The following TMEM244 variants were observed in gnomAD, a reference collection of about 807,000 sequenced individuals.
The protein encoded by TMEM244 is putative transmembrane protein 244.
Under a neutral mutation model 15.8 loss-of-function variants are expected in TMEM244, and 13 were observed. The observed-to-expected ratio is 0.82, with a 90% CI of 0.53 to 1.30. The LOEUF (loss-of-function observed/expected upper bound fraction) is 1.30, where lower values mean the gene tolerates loss of function less well. TMEM244 is among the 50% of genes most tolerant of loss of function. The probability of loss-of-function intolerance (pLI) is 0.00; values close to 1 mark genes in which losing one functional copy is unlikely to be tolerated. For synonymous variants in TMEM244, 45 were observed against 48.7 expected, an observed-to-expected ratio of 0.92 and a Z score of 0.32; for missense variants, 161 against 144.9, an observed-to-expected ratio of 1.11 and a Z score of -0.57.
At chr6:129,841,720 A>G (rs79138594) in intron 3 of TMEM244, among the ~76,000 whole-genome samples, 2,660 of 152,280 alleles carry the variant, frequency 0.017, 88 homozygotes, top group African/African-American at 0.06. Context: ...TTTGCAAACT[A>G]TTCTCTGCGA....
chr6:129,837,493 A>G (rs1776425586), intron 3 of TMEM244, among the ~76,000 whole-genome samples: 1 of 152,228 alleles, frequency 6.6e-6, no homozygotes, highest in Admixed American at 6.5e-5. Flanking sequence ...AAGACTTTAG[A>G]CGCTATGAAG....
chr6:129,841,891 T>A (rs9321189), intron 3 of TMEM244, among the ~76,000 whole-genome samples: 2 of 151,974 alleles, frequency 1.3e-5, no homozygotes, highest in African/African-American at 4.8e-5. Context: ...TCTTATATTT[T>A]ATTAATATCT....
At chr6:129,860,824 AAG>A (rs1554208647) in intron 1 of TMEM244, among the ~76,000 whole-genome samples, 1 of 152,084 alleles carries the variant, frequency 6.6e-6, no homozygotes, top group Non-Finnish European at 1.5e-5. Context: ...AAAAAAAAAA[AAG>A]AAAAAAAGAT....
chr6:129,837,854 T>G (rs989243494), intron 3 of TMEM244, among the ~76,000 whole-genome samples: 1 of 152,200 alleles, frequency 6.6e-6, no homozygotes, highest in African/African-American at 2.4e-5. Flanking sequence ...AAGGGATCAA[T>G]TCAACAAGAA....
intron 3 of TMEM244, among the ~76,000 whole-genome samples, chr6:129,842,065 A>T (rs969311167): frequency 1.3e-5 from 2 of 152,190 alleles, no homozygotes; most frequent in Non-Finnish European, 2.9e-5. Context: ...AAACTCTGCC[A>T]GCCATTTTGG....
intron 1 of TMEM244, among the ~76,000 whole-genome samples, chr6:129,858,081 C>G (rs1252652656): frequency 1.3e-5 from 2 of 151,902 alleles, no homozygotes; most frequent in Non-Finnish European, 2.9e-5. Context: ...ATAAATGTCA[C>G]TTGGTCATGA....
chr6:129,859,791 T>C (rs560138868), intron 1 of TMEM244, among the ~76,000 whole-genome samples: 1 of 152,344 alleles, frequency 6.6e-6, no homozygotes, highest in Non-Finnish European at 1.5e-5. Context: ...GCACATTGCA[T>C]GCACTCAATA....
chr6:129,861,223 C>G lies in TMEM244; in HGVS notation c.-35G>C, dbSNP rs764154286. On this transcript the variant is annotated 5_prime_UTR_variant, in exon 1 of 5. Coordinates refer to ENST00000368143, the MANE Select transcript of TMEM244 (RefSeq NM_001010876.2). ...CTACGTCAAGGAGGTGATGAAAGCC[C>G]CACTCCTTATAGCGATGACATCTGG... 1 of 1,612,478 alleles carries G rather than the reference C, an allele frequency of 6.2e-7. No homozygotes were observed. Among genetic ancestry groups the G allele is most frequent in the Non-Finnish European group, 8.5e-7 (1 of 1,178,870 alleles).
chr6:129,851,005 A>G (rs1272654817), intron 1 of TMEM244, among the ~76,000 whole-genome samples: 2 of 152,010 alleles, frequency 1.3e-5, no homozygotes, highest in Non-Finnish European at 2.9e-5. Context: ...CCATCACTGT[A>G]CTCATATTTT....
chr6:129,847,423 A>G (rs1776575428), intron 1 of TMEM244, among the ~76,000 whole-genome samples: 1 of 152,182 alleles, frequency 6.6e-6, no homozygotes, highest in South Asian at 2.1e-4. Context: ...GCCTAGGTAC[A>G]GAAGGAGTCC....
chr6:129,847,187 A>C (rs1308198510), intron 1 of TMEM244, among the ~76,000 whole-genome samples: 3 of 152,202 alleles, frequency 2.0e-5, no homozygotes, highest in African/African-American at 7.2e-5. Flanking sequence ...AGAGCCAATA[A>C]AAATAAAAAA....
intron 3 of TMEM244, among the ~76,000 whole-genome samples, chr6:129,840,624 T>A (rs896499352): frequency 6.6e-6 from 1 of 151,850 alleles, no homozygotes; most frequent in Admixed American, 6.6e-5. Flanking sequence ...AAAGAAACTA[T>A]CATCAGAGTG....
At chr6:129,860,145 GTGTC>G (rs372011367) in intron 1 of TMEM244, among the ~76,000 whole-genome samples, 10,657 of 128,854 alleles carry the variant, frequency 0.083, 431 homozygotes, top group Non-Finnish European at 0.1. Context: ...GTGTGTGTGT[GTGTC>G]TGTCTGTCTG....
At position 129,833,514 on chromosome 6, in the gene TMEM244, C is replaced by T; in HGVS notation, c.265G>A (p.Val89Ile). 2 of 1,613,260 alleles carry T rather than the reference C, an allele frequency of 1.2e-6. No homozygotes were observed. Among genetic ancestry groups the T allele is most frequent in the South Asian group, 1.1e-5 (1 of 91,006 alleles). The change falls in exon 4 of 5, where the codon GTT (valine) becomes ATT (isoleucine). Residue 89 changes from valine (V) to isoleucine (I), a missense_variant. Coordinates refer to ENST00000368143, the MANE Select transcript of TMEM244 (RefSeq NM_001010876.2). ...LFFVPVVEEW[V>I]WDYAISVTIL... is the part of the protein sequence containing the mutation. The stretch of plus-strand genomic sequence containing the variant: ...GTGACTGAAATAGCATAATCCCAAA[C>T]CCATTCTTCCACAACTGGAACAAAA...
intron 3 of TMEM244, among the ~76,000 whole-genome samples, chr6:129,837,660 G>A (rs1776427491): frequency 6.6e-6 from 1 of 152,166 alleles, no homozygotes; most frequent in Non-Finnish European, 1.5e-5. Flanking sequence ...ATCCATCAGT[G>A]TGCTGTATTC....
At chr6:129,857,511 A>G (rs1036148065) in intron 1 of TMEM244, among the ~76,000 whole-genome samples, 77 of 152,096 alleles carry the variant, frequency 5.1e-4, no homozygotes, top group African/African-American at 1.7e-3. Flanking sequence ...ACATGCCACC[A>G]CCACGCCTGG....
At chr6:129,848,073 G>A (rs112271479) in intron 1 of TMEM244, among the ~76,000 whole-genome samples, 17 of 152,094 alleles carry the variant, frequency 1.1e-4, no homozygotes, top group African/African-American at 4.1e-4. Context: ...TCCGCACCTG[G>A]CCTTCACATT....
At chr6:129,846,066 G>C (rs556044067) in intron 1 of TMEM244, among the ~76,000 whole-genome samples, 25 of 152,044 alleles carry the variant, frequency 1.6e-4, no homozygotes, top group Non-Finnish European at 3.2e-4. Flanking sequence ...TTTGGGTTTG[G>C]TTTATTCTTC....
chr6:129,842,359 A>G (rs1776503217), intron 3 of TMEM244, among the ~76,000 whole-genome samples: 1 of 152,168 alleles, frequency 6.6e-6, no homozygotes, highest in Admixed American at 6.6e-5. Context: ...AAAGTCTTAG[A>G]CCTCTTGTAT....
Sources: allele counts gnomAD v4.1 joint callset (sites outside exome capture counted in the v4.1 genomes callset), GRCh38; gene constraint gnomAD v4.1.1; transcripts MANE v1.5; gene names NCBI Gene and HGNC (gene_info 2026-07-23, HGNC 2026-07-21).